The following NOS2 variants were observed in gnomAD, a reference collection of about 807,000 sequenced individuals.
NOS2 encodes nitric oxide synthase 2, also known as nitric oxide synthase, inducible.
Under a neutral mutation model 136.0 loss-of-function variants are expected in NOS2, and 96 were observed. The ratio of observed to expected loss-of-function variants is 0.71; its 90% confidence interval spans 0.60 to 0.84. The LOEUF (loss-of-function observed/expected upper bound fraction) is 0.84. Among genes scored for constraint, NOS2 ranks in the 40% least tolerant of loss-of-function variants. The probability of loss-of-function intolerance (pLI) is 0.00; values close to 1 mark genes in which losing one functional copy is unlikely to be tolerated. For missense variants in NOS2, 1,237 were observed against 1,496.9 expected, an observed-to-expected ratio of 0.83 and a Z score of 2.87; for synonymous variants, 539 against 587.5, an observed-to-expected ratio of 0.92 and a Z score of 1.20.
chr17:27,779,117 T>A (rs180975248), intron 9 of NOS2, 61 bp from the exon 10 acceptor site: 427 of 1,245,586 alleles, frequency 3.4e-4, no homozygotes, highest in African/African-American at 2.8e-3. Flanking sequence ...TATTATTATT[T>A]TTTTTTTAGT....
chr17:27,769,734 G>A (rs113159451), intron 15 of NOS2, 150 bp from the exon 16 acceptor site: 12 of 682,094 alleles, frequency 1.8e-5, no homozygotes, highest in African/African-American at 3.6e-5. Context: ...CCTGGCCAAG[G>A]ACCTGGTTGT....
At chr17:27,769,224 G>A in intron 16 of NOS2, 73 bp from the exon 17 acceptor site, 1 of 1,418,428 alleles carries the variant, frequency 7.1e-7, no homozygotes. Flanking sequence ...AGCACCAACA[G>A]CCTGGAGAGC....
At chr17:27,778,088 G>C (rs757226035) in intron 11 of NOS2, among the ~76,000 whole-genome samples, 1 of 152,036 alleles carries the variant, frequency 6.6e-6, no homozygotes, top group Non-Finnish European at 1.5e-5. Flanking sequence ...ATAATGCCAG[G>C]AACTGTATGA....
chr17:27,784,126 G>A (rs572569800), intron 5 of NOS2, among the ~76,000 whole-genome samples: 3 of 101,058 alleles, frequency 3.0e-5, no homozygotes, highest in African/African-American at 1.2e-4. Context: ...AGTCAGAAAG[G>A]CTTTGAAACA....
chr17:27,768,940 T>G, intron 17 of NOS2, 37 bp downstream of exon 17: 2 of 1,552,048 alleles, frequency 1.3e-6, no homozygotes, highest in Non-Finnish European at 1.7e-6. Context: ...CACCCTGTCA[T>G]GTCCCTGCTG....
chr17:27,774,843 G>A (rs543266876), intron 11 of NOS2, among the ~76,000 whole-genome samples: 1 of 152,354 alleles, frequency 6.6e-6, no homozygotes, highest in South Asian at 2.1e-4. Flanking sequence ...CATTTATGGT[G>A]GAGAGTTCTA....
At chr17:27,784,401 T>C in intron 5 of NOS2, among the ~76,000 whole-genome samples, 1 of 152,176 alleles carries the variant, frequency 6.6e-6, no homozygotes, top group Non-Finnish European at 1.5e-5. Flanking sequence ...CATAAGGAGC[T>C]GCTGGGTGAG....
chr17:27,769,673 G>T, intron 15 of NOS2, 89 bp from the exon 16 acceptor site: 2 of 1,129,892 alleles, frequency 1.8e-6, no homozygotes, highest in South Asian at 1.3e-5. Context: ...GCCACAGCTT[G>T]CAGGAGAAGG....
intron 10 of NOS2, 31 bp from the exon 11 acceptor site, chr17:27,778,822 G>T: frequency 6.2e-7 from 1 of 1,613,356 alleles, no homozygotes; most frequent in Non-Finnish European, 8.5e-7. Context: ...CGGCGAGTCG[G>T]TCCCTGAAGC....
rs151070816 is a variant in NOS2 at position 27,778,927 on chromosome 17, G to A, written c.1134C>T (p.Ile378=). Residue 378 remains isoleucine, a synonymous_variant, in exon 10 of 27, where the codon ATC becomes ATT. Coordinates refer to ENST00000313735, the MANE Select transcript of NOS2 (RefSeq NM_000625.4). ...PFNGWYMGTE[I]GVRDFCDVQR... ...GGACGTCACAGAAGTCCCGGACTCC[G>A]ATCTCTGTGCCCATGTACCAGCCAT... The A allele has an allele frequency of 4.3e-5, 70 of 1,610,684 alleles. No homozygotes were observed. Among genetic ancestry groups the A allele is most frequent in the Middle Eastern group, 3.3e-4 (2 of 6,066 alleles).
At position 27,789,629 on chromosome 17, in the gene NOS2, G is replaced by A. The variant is rs375397175; in HGVS notation, c.170C>T (p.Pro57Leu). 4.8e-5 allele frequency: 78 copies of A among 1,613,678 alleles called. No homozygotes were observed. The highest frequency in any genetic ancestry group is 5.8e-5 in the Non-Finnish European group (68 of 1,179,730). The change falls in exon 3 of 27, where the codon CCG becomes CTG. Residue 57 changes from proline to leucine, a missense_variant. Physicochemically the swap from Pro to Leu is moderately conservative, Grantham distance 98. Transcript: ENST00000313735. ...CTTTCCCGTCTCCACGAGGGGCTGC[G>A]GGGACTCATTCTGCTGCTTGCTGAG... ...HNLSKQQNES[P>L]QPLVETGKKS...
At position 27,757,166 on chromosome 17, in the gene NOS2, G is replaced by A. The variant is rs200522878; in HGVS notation, c.*80C>T. 3.6e-6 allele frequency: 4 copies of A among 1,111,594 alleles called. No homozygotes were observed. The highest frequency in any genetic ancestry group is 4.0e-6 in the Non-Finnish European group (3 of 752,466). The allele number at this position is 1,111,594 out of a possible 1,614,324, so 68.9% of individuals were successfully genotyped here. A position where few individuals can be genotyped will look rare whatever the true frequency, so the allele number is the denominator to read the frequency against. On this transcript the variant is annotated 3_prime_UTR_variant, in exon 27 of 27. Coordinates refer to ENST00000313735, the MANE Select transcript of NOS2 (RefSeq NM_000625.4). ...GATATCACTTTCCTCCATCTCCCCA[G>A]GCCCTGTGACCTCAGATAATGCAGA...
chr17:27,760,577 G>A lies in NOS2; in HGVS notation c.3010+46C>T, dbSNP rs374378569. The A allele has an allele frequency of 7.1e-6, 11 of 1,550,548 alleles. No homozygotes were observed. The African/African-American group carries it at 1.4e-4, about 19-fold the overall frequency. ...GCTGCAGTTCTGCTCCTAGGCAGGCGCTGGCCCCCTGGTGCCCCTCCCACC... is the reference window on the plus strand; with the variant it reads ...GCTGCAGTTCTGCTCCTAGGCAGGCACTGGCCCCCTGGTGCCCCTCCCACC... On this transcript the variant is annotated intron_variant, in intron 24 of 26. Transcript: ENST00000313735.
chr17:27,761,675 C>A (rs1351490353), intron 22 of NOS2, among the ~76,000 whole-genome samples: 1 of 152,158 alleles, frequency 6.6e-6, no homozygotes, highest in East Asian at 1.9e-4. Context: ...ATGAGCGTGG[C>A]CCTTGCTGGT....
chr17:27,757,243 C>A lies in NOS2; in HGVS notation c.*3G>T, dbSNP rs755147848. On this transcript the variant is annotated 3_prime_UTR_variant, in exon 27 of 27. Transcript: ENST00000313735. ...CGGCAGCTTTAACCCCTCCTGTAGG[C>A]CCTCAGAGCGCTGACATCTCCAGGC... 1.2e-6 allele frequency: 2 copies of A among 1,612,888 alleles called. No individual in the cohort carries two copies. The highest frequency in any genetic ancestry group is 3.3e-5 in the Admixed American group (2 of 59,932).
chr17:27,765,714 C>A lies in NOS2; in HGVS notation c.2249G>T (p.Arg750Leu). The A allele has an allele frequency of 1.3e-6, 2 of 1,598,334 alleles. No homozygotes were observed. The highest frequency in any genetic ancestry group is 8.5e-7 in the Non-Finnish European group (1 of 1,172,538). Reference sequence around the variant, plus strand: ...GGAGAGTTCCACCAGGATGGTGGCACGGCTGGGGAAGGAAAATGAAGCCTC... The same window carrying A: ...GGAGAGTTCCACCAGGATGGTGGCAAGGCTGGGGAAGGAAAATGAAGCCTC... ...RQNLQSPTSS[R>L]ATILVELSCE... Residue 750 changes from arginine (R) to leucine (L), a missense_variant and splice_region_variant, in exon 20 of 27, where the codon CGT (arginine) becomes CTT (leucine). By Grantham distance (102) the Arg-to-Leu change is moderately radical. This residue lies in a region of NOS2 where 782 missense variants were observed against 909.9 expected (regional missense o/e 0.86). Transcript: ENST00000313735.
At chr17:27,798,669 C>T (rs201004527) in intron 2 of NOS2, 31 bp downstream of exon 2, 5 of 1,402,480 alleles carry the variant, frequency 3.6e-6, no homozygotes, top group Non-Finnish European at 2.0e-6. Context: ...CCCAAGGAGA[C>T]AAGCAGGAGG....
intron 21 of NOS2, among the ~76,000 whole-genome samples, chr17:27,763,654 C>A (rs1467399504): frequency 2.6e-5 from 4 of 152,162 alleles, no homozygotes; most frequent in African/African-American, 7.2e-5. Context: ...CATCATCCAT[C>A]CCCCAATACA....
In NOS2 at chr17:27,778,719, T is replaced by C. The variant is rs1278744035; in HGVS notation, c.1252A>G (p.Ile418Val). 3 of 1,614,158 alleles carry C rather than the reference T, an allele frequency of 1.9e-6. No individual in the cohort carries two copies. The highest frequency in any genetic ancestry group is 2.5e-6 in the Non-Finnish European group (3 of 1,180,010). ...SLWKDQAVVE[I>V]NIAVLHSFQK... ...AAACTATGGAGCACAGCAATGTTGA[T>C]CTCAACGACAGCCTGGTCTTTCCAG... The change falls in exon 11 of 27, where the codon ATC becomes GTC. Residue 418 changes from isoleucine (I) to valine (V), a missense_variant. Coordinates refer to ENST00000313735, the MANE Select transcript of NOS2 (RefSeq NM_000625.4).
Sources: allele counts gnomAD v4.1 joint callset (sites outside exome capture counted in the v4.1 genomes callset), GRCh38; gene constraint gnomAD v4.1.1; regional missense constraint gnomAD v4.1.1; transcripts MANE v1.5; gene names NCBI Gene and HGNC (gene_info 2026-07-23, HGNC 2026-07-21).